RASAL3: variants seen among roughly 807,000 people sequenced by gnomAD.
RASAL3 encodes RAS protein activator like-3.
A neutral mutation model predicts 105.5 loss-of-function variants in RASAL3; 74 were observed. That is an observed-to-expected ratio of 0.70 (90% CI 0.58 to 0.85). The LOEUF (loss-of-function observed/expected upper bound fraction) is 0.85, where lower values mean the gene tolerates loss of function less well. RASAL3 is among the 40% of genes least tolerant of loss of function. The probability of loss-of-function intolerance (pLI) is 0.00; values close to 1 mark genes in which losing one functional copy is unlikely to be tolerated. For missense variants in RASAL3, 1,352 were observed against 1,392.0 expected (o/e 0.97, Z 0.46); for synonymous variants, 579 against 591.6 (o/e 0.98, Z 0.31).
In RASAL3 at chr19:15,454,403, G is replaced by A; in HGVS notation, c.2118C>T (p.Val706=). 4.3e-6 allele frequency: 7 copies of A among 1,613,876 alleles called. No homozygotes were observed. The highest frequency in any genetic ancestry group is 2.2e-5 in the South Asian group (2 of 91,070). Residue 706 remains valine (V), a synonymous_variant, in exon 13 of 18, where the codon GTC becomes GTT. Transcript: ENST00000343625. ...AAATTGTACAGAGCTGGGCATGCAG[G>A]ACAGCTAACTGGAGGGCCAGATCAC... The part of the protein sequence containing the change: ...GSGDLALQLA[V]LHAQLCTIFA...
intron 13 of RASAL3, 31 bp downstream of exon 13, chr19:15,454,330 C>T: frequency 1.3e-6 from 2 of 1,586,618 alleles, no homozygotes; most frequent in Non-Finnish European, 1.7e-6. Context: ...CCCAAGCCTT[C>T]TTGCCTCCCT....
In RASAL3 at chr19:15,458,318, G is replaced by A. The variant is rs750014009; in HGVS notation, c.888+10C>T. On this transcript the variant is annotated intron_variant, in intron 8 of 17. Transcript: ENST00000343625. Reference sequence around the variant, plus strand: ...GGGTCTCCGTGTCCCGCTTTTCTGAGGGCAATGACCTGGGTGGGCTGGAAT... The same window carrying A: ...GGGTCTCCGTGTCCCGCTTTTCTGAAGGCAATGACCTGGGTGGGCTGGAAT... 5.6e-6 allele frequency: 9 copies of A among 1,612,046 alleles called. No individual in the cohort carries two copies. In the Admixed American group the frequency reaches 1.3e-4, roughly 24 times the overall value.
At chr19:15,463,870 G>T (rs531332648) in intron 2 of RASAL3, among the ~76,000 whole-genome samples, 161 bp downstream of exon 2, 1 of 152,268 alleles carries the variant, frequency 6.6e-6, no homozygotes, top group African/African-American at 2.4e-5. Context: ...CTCTTTAGGG[G>T]GAAAGAGGGA....
Position 15,464,260 on chromosome 19 carries a change from C to T in RASAL3, c.99G>A (p.Lys33=). Residue 33 remains lysine, a synonymous_variant, in exon 2 of 18, where the codon AAG becomes AAA. Transcript: ENST00000343625. ...YRWHTGGGGE[K]AAGGFRWGRF... is the part of the protein sequence containing the mutation. ...GGCCCCAGCGGAACCCTCCAGCCGC[C>T]TTCTCCCCACCGCCCCCTGTGTGCC... 6.2e-7 allele frequency: 1 copy of T among 1,609,674 alleles called. No individual in the cohort carries two copies. The highest frequency in any genetic ancestry group is 8.5e-7 in the Non-Finnish European group (1 of 1,178,462).
intron 8 of RASAL3, 98 bp downstream of exon 8, chr19:15,458,230 G>A (rs2145475065): frequency 8.9e-6 from 10 of 1,124,682 alleles, no homozygotes; most frequent in Non-Finnish European, 1.3e-5. Context: ...TGTGTTGGGG[G>A]CGCGGGTTAT....
rs369005462 is a variant in RASAL3, at chr19:15,453,125, C to T, written c.2652G>A (p.Thr884=). 1 of 1,613,660 alleles carries T rather than the reference C, an allele frequency of 6.2e-7. No homozygotes were observed. Among genetic ancestry groups the T allele is most frequent in the East Asian group, 2.2e-5 (1 of 44,872 alleles). ...QPQDRNQALG[T]HRPVNKLAEL... ...ACCTTACCTTGTTCACAGGTCGGTG[C>T]GTGCCCAGTGCCTGGTTTCGGTCTT... The change falls in exon 15 of 18, where the codon ACG becomes ACA. Residue 884 remains threonine, a synonymous_variant. Coordinates refer to ENST00000343625, the MANE Select transcript of RASAL3 (RefSeq NM_022904.3). This position sits in a 1 kb window ranked among gnomAD's most constrained non-coding sequence, Gnocchi z 4.2.
At chr19:15,455,483 G>A (rs1219135526) in intron 11 of RASAL3, among the ~76,000 whole-genome samples, 9 of 152,128 alleles carry the variant, frequency 5.9e-5, no homozygotes, top group Non-Finnish European at 1.3e-4. Context: ...GTTAACTGGA[G>A]CCAGTGGCAT....
chr19:15,454,602 T>C, intron 12 of RASAL3, 40 bp from the exon 13 acceptor site: 1 of 1,612,076 alleles, frequency 6.2e-7, no homozygotes, highest in Non-Finnish European at 8.5e-7. Flanking sequence ...GTCAGGCACC[T>C]GCCACCCCCA....
rs1970399599 is a variant in RASAL3 at position 15,458,442 on chromosome 19, A to C, written c.790-16T>G. On this transcript the variant is annotated splice_polypyrimidine_tract_variant and intron_variant, in intron 7 of 17. Transcript: ENST00000343625. The stretch of plus-strand genomic sequence containing the variant: ...TCCAGGTTACCTGTTGGGATGGAGA[A>C]TCCAACGGTGTGATCGAGGCCAAGG... 4 of 1,613,474 alleles carry C rather than the reference A, an allele frequency of 2.5e-6. No individual in the cohort carries two copies. Among genetic ancestry groups the C allele is most frequent in the Non-Finnish European group, 3.4e-6 (4 of 1,179,688 alleles).
chr19:15,459,968 C>T (rs563100614), intron 6 of RASAL3, among the ~76,000 whole-genome samples: 1 of 152,174 alleles, frequency 6.6e-6, no homozygotes, highest in Admixed American at 6.6e-5. Flanking sequence ...GGTACCTTCC[C>T]TAACCCTCCC....
At chr19:15,452,132 C>T in intron 16 of RASAL3, 24 bp from the exon 17 acceptor site, 1 of 1,613,220 alleles carries the variant, frequency 6.2e-7, no homozygotes, top group East Asian at 2.2e-5. Flanking sequence ...GGGATTGGGG[C>T]GAAGGGCAGA....
chr19:15,457,472 C>T lies in RASAL3; in HGVS notation c.1251G>A (p.Ala417=). ...LGAPAGAALR[A]RIRARRLRVL... The stretch of plus-strand genomic sequence containing the variant: ...CGCGCAGGCGACGCGCCCGAATCCG[C>T]GCCCGCAGCGCTGCGCCCGCCGGCG... The change falls in exon 9 of 18, where the codon GCG becomes GCA. Residue 417 remains alanine (A), a synonymous_variant. Coordinates refer to ENST00000343625, the MANE Select transcript of RASAL3 (RefSeq NM_022904.3). This position sits in a 1 kb window ranked among gnomAD's most constrained non-coding sequence, Gnocchi z 8.6. 1 of 1,305,484 alleles carries T rather than the reference C, an allele frequency of 7.7e-7. No homozygotes were observed. Among genetic ancestry groups the T allele is most frequent in the Non-Finnish European group, 9.8e-7 (1 of 1,023,484 alleles). 80.9% of individuals were successfully genotyped at this position (1,305,484 alleles called of 1,614,324 possible).
Position 15,460,245 on chromosome 19 carries a change from C to T in RASAL3, c.620G>A (p.Arg207Lys). The T allele has an allele frequency of 6.2e-7, 1 of 1,608,830 alleles. No homozygotes were observed. The highest frequency in any genetic ancestry group is 8.5e-7 in the Non-Finnish European group (1 of 1,177,694). Reference sequence around the variant, plus strand: ...CCTGGCCTTTTTCTTCTCTTTCAGCCTCTTGAGCAACCCCTGTGGGGAAGG... The same window carrying T: ...CCTGGCCTTTTTCTTCTCTTTCAGCTTCTTGAGCAACCCCTGTGGGGAAGG... ...QVHNVRGLLK[R>K]LKEKKKARLE... The change falls in exon 6 of 18, where the codon AGG becomes AAG. Residue 207 changes from arginine (R) to lysine (K), a missense_variant. Arg to Lys is a conservative substitution (Grantham distance 26). Coordinates refer to ENST00000343625, the MANE Select transcript of RASAL3 (RefSeq NM_022904.3).
Position 15,453,453 on chromosome 19 carries a change from A to G in RASAL3, c.2324T>C (p.Leu775Pro). The change falls in exon 15 of 18, where the codon CTC becomes CCC. Residue 775 changes from leucine (L) to proline (P), a missense_variant. By Grantham distance (98) the Leu-to-Pro change is moderately conservative (BLOSUM62 -3). Transcript: ENST00000343625. The surrounding 1 kb of genome is among the most constrained non-coding windows in gnomAD (Gnocchi z 4.2). ...GGAGATGAGAGGGGTGTGCTTGGGG[A>G]GGTCCCGGGGGGCCAGGAAGCCGGG... The part of the protein sequence containing the change: ...EKPGFLAPRD[L>P]PKHTPLISKS... The G allele has an allele frequency of 6.5e-7, 1 of 1,543,978 alleles. No homozygotes were observed. The highest frequency in any genetic ancestry group is 2.3e-5 in the Admixed American group (1 of 44,432).
At chr19:15,452,341 T>C (rs1440344436) in intron 16 of RASAL3, 2 of 600,654 alleles carry the variant, frequency 3.3e-6, no homozygotes, top group Non-Finnish European at 5.9e-6. Flanking sequence ...CAGTCCTGGG[T>C]GGGGTCGTGA....
In RASAL3 at chr19:15,457,171, A is replaced by G; in HGVS notation, c.1431+121T>C. ...GTGACACTTGGACCACGCCCCTCAC[A>G]CCCCTTCAAGGTGTCTCCCCCATTA... On this transcript the variant is annotated intron_variant, in intron 9 of 17. Coordinates refer to ENST00000343625, the MANE Select transcript of RASAL3 (RefSeq NM_022904.3). The surrounding 1 kb of genome is among the most constrained non-coding windows in gnomAD (Gnocchi z 8.6). 2.3e-6 allele frequency: 2 copies of G among 865,086 alleles called. No homozygotes were observed. The highest frequency in any genetic ancestry group is 1.5e-6 in the Non-Finnish European group (1 of 651,836). 53.6% of individuals were successfully genotyped at this position (865,086 alleles called of 1,614,324 possible).
In RASAL3 at chr19:15,458,468, G is replaced by A. The variant is rs751438239; in HGVS notation, c.790-42C>T. 177 of 1,613,610 alleles carry A rather than the reference G, an allele frequency of 1.1e-4. No homozygotes were observed. The South Asian group carries it at 1.9e-3, about 17-fold the overall frequency. The stretch of plus-strand genomic sequence containing the variant: ...TCCAACGGTGTGATCGAGGCCAAGG[G>A]TGAAGCCAAAGGGTGGGAGGTGGGA... On this transcript the variant is annotated intron_variant, in intron 7 of 17. Transcript: ENST00000343625.
At chr19:15,460,934 G>A (rs540186405) in intron 5 of RASAL3, 126 bp downstream of exon 5, 18 of 800,218 alleles carry the variant, frequency 2.2e-5, no homozygotes, top group Non-Finnish European at 3.8e-5. Context: ...TGACAGACTG[G>A]GACTCTGAGG....
Position 15,457,447 on chromosome 19 carries a change from C to T in RASAL3, c.1276G>A (p.Val426Met), listed in dbSNP as rs146624357. ...TCCTTGTAGCGCTCGGACGGCAGCA[C>T]GCGCAGGCGACGCGCCCGAATCCGC... ...RARIRARRLR[V>M]LPSERYKELA... Residue 426 changes from valine (V) to methionine (M), a missense_variant, in exon 9 of 18, where the codon GTG becomes ATG. By Grantham distance (21) the Val-to-Met change is conservative. Around this residue, in one of 3 missense-constraint regions of RASAL3, gnomAD observed 920 missense variants for 919.6 expected, o/e 1.00. Transcript: ENST00000343625. This position sits in a 1 kb window ranked among gnomAD's most constrained non-coding sequence, Gnocchi z 8.6. 5.0e-5 allele frequency: 70 copies of T among 1,412,602 alleles called. No homozygotes were observed. The highest frequency in any genetic ancestry group is 4.2e-4 in the Middle Eastern group (2 of 4,728). 87.5% of individuals were successfully genotyped at this position (1,412,602 alleles called of 1,614,324 possible). A position where few individuals can be genotyped will look rare whatever the true frequency, so the allele number is the denominator to read the frequency against.
Sources: gnomAD v4.1 joint callset for allele counts (sites outside exome capture counted in the v4.1 genomes callset) on GRCh38, gnomAD v4.1.1 for gene constraint, gnomAD v4.1.1 regional missense constraint, Gnocchi (gnomAD v3.1) non-coding constraint, MANE v1.5 for transcripts, NCBI Gene and HGNC (gene_info 2026-07-23, HGNC 2026-07-21) for gene names.